MECOM: variants seen among roughly 807,000 people sequenced by gnomAD.
MECOM encodes the protein histone-lysine N-methyltransferase MECOM.
In MECOM, 13 loss-of-function variants were observed where a neutral mutation model predicts 116.3. The ratio of observed to expected loss-of-function variants is 0.11; its 90% confidence interval spans 0.07 to 0.18. MECOM has a LOEUF of 0.18. MECOM is among the 10% of genes least tolerant of loss of function. MECOM has a pLI of 1.00. For synonymous variants in MECOM, 528 were observed against 535.2 expected, an observed-to-expected ratio of 0.99 and a Z score of 0.19; for missense variants, 1,299 against 1,509.0, an observed-to-expected ratio of 0.86 and a Z score of 2.31.
At chr3:169,169,117 C>T (rs1263509054) in intron 2 of MECOM, among the ~76,000 whole-genome samples, 1 of 152,092 alleles carries the variant, frequency 6.6e-6, no homozygotes. Context: ...TCCATAAACA[C>T]ATACTAAATT....
rs868256088 is a variant in MECOM at position 169,378,520 on chromosome 3, A to G, written c.375+2667T>C. Among the ~76,000 whole-genome samples the G allele has an allele frequency of 9.6e-3, 218 of 22,824 alleles. 31 individuals are homozygous for G. Among genetic ancestry groups the G allele is most frequent in the African/African-American group, 0.017 (94 of 5,588 alleles). The allele number at this position is 22,824 out of a possible 152,430, so 15.0% of individuals were successfully genotyped here. A position where few individuals can be genotyped will look rare whatever the true frequency, so the allele number is the denominator to read the frequency against. On this transcript the variant is annotated intron_variant, in intron 2 of 16. Transcript: ENST00000651503. ...AAGAAAGAAAGAAAGAAAGAAAAGA[A>G]AGAAAGAAAGAAAGAAAGAAAGAAA...
intron 12 of MECOM, among the ~76,000 whole-genome samples, chr3:169,098,393 C>A (rs1388781260): frequency 2.6e-5 from 4 of 152,036 alleles, no homozygotes; most frequent in African/African-American, 9.7e-5. Flanking sequence ...TAGAATTTTC[C>A]TTAATTTGGG....
At chr3:169,167,771 TCA>T (rs774170480) in intron 2 of MECOM, among the ~76,000 whole-genome samples, 2 of 150,996 alleles carry the variant, frequency 1.3e-5, no homozygotes, top group African/African-American at 4.9e-5. Context: ...ACACAGACAC[TCA>T]CACACACACA....
chr3:169,621,905 A>G (rs1284523029), intron 1 of MECOM, among the ~76,000 whole-genome samples: 3 of 152,200 alleles, frequency 2.0e-5, no homozygotes, highest in Admixed American at 6.5e-5. Flanking sequence ...CATCATTGAC[A>G]GGAGAGGTAA....
chr3:169,358,161 T>C (rs1002372926), intron 2 of MECOM, among the ~76,000 whole-genome samples: 2 of 151,780 alleles, frequency 1.3e-5, no homozygotes, highest in African/African-American at 4.8e-5. Flanking sequence ...TTTCTTCTTT[T>C]GGCATATTGT....
intron 13 of MECOM, among the ~76,000 whole-genome samples, chr3:169,094,027 A>G (rs1056734413): frequency 6.6e-6 from 1 of 152,194 alleles, no homozygotes; most frequent in Non-Finnish European, 1.5e-5. Flanking sequence ...CTATAAGGGT[A>G]CACACAGTTA....
chr3:169,267,489 C>T (rs116481529), intron 2 of MECOM, among the ~76,000 whole-genome samples: 1 of 152,138 alleles, frequency 6.6e-6, no homozygotes, highest in South Asian at 2.1e-4. Flanking sequence ...CAGGAAAGAG[C>T]TGCCCTTACT....
intron 2 of MECOM, among the ~76,000 whole-genome samples, chr3:169,305,242 T>A (rs1472340158): frequency 2.0e-5 from 3 of 152,196 alleles, no homozygotes; most frequent in Admixed American, 2.0e-4. Flanking sequence ...TCAGTGAAGT[T>A]AATTAATTCC....
intron 1 of MECOM, among the ~76,000 whole-genome samples, chr3:169,542,429 G>T (rs1005544801): frequency 6.6e-6 from 1 of 152,106 alleles, no homozygotes; most frequent in Non-Finnish European, 1.5e-5. Context: ...ATGCCCTGGG[G>T]ATTTAGTTGG....
chr3:169,085,191 G>A lies in MECOM; in HGVS notation c.3586-148C>T, dbSNP rs6793750. 6.5e-3 allele frequency: 6,751 copies of A among 1,034,006 alleles called. 324 individuals are homozygous for A. The African/African-American group carries it at 0.099, about 15-fold the overall frequency. The allele number at this position is 1,034,006 out of a possible 1,614,324, so 64.1% of individuals were successfully genotyped here. ...GTTTGGCAAAGAAGGCATATTTTTT[G>A]TAGAAACCACATGGGATTACTGCTG... On this transcript the variant is annotated intron_variant, in intron 16 of 16. Coordinates refer to ENST00000651503, the MANE Select transcript of MECOM (RefSeq NM_004991.4).
chr3:169,092,152 TA>T (rs1227436323), intron 14 of MECOM, among the ~76,000 whole-genome samples: 1 of 152,066 alleles, frequency 6.6e-6, no homozygotes, highest in African/African-American at 2.4e-5. Flanking sequence ...TTAACAGCAT[TA>T]AAAGCTTTTT....
chr3:169,364,142 A>G (rs941376500), intron 2 of MECOM, among the ~76,000 whole-genome samples: 3 of 151,988 alleles, frequency 2.0e-5, no homozygotes, highest in African/African-American at 2.4e-5. Context: ...GAAATGTTCT[A>G]AGGTTCCTGC....
intron 2 of MECOM, chr3:169,147,180 A>G (rs1740161564): frequency 2.0e-6 from 2 of 985,416 alleles, no homozygotes; most frequent in Non-Finnish European, 2.4e-6. Flanking sequence ...AAACCCACTA[A>G]AACTTCTACT....
intron 11 of MECOM, among the ~76,000 whole-genome samples, 178 bp from the exon 12 acceptor site, chr3:169,101,140 C>A (rs1212263749): frequency 7.5e-6 from 1 of 133,834 alleles, no homozygotes; most frequent in Non-Finnish European, 1.7e-5. Context: ...AATAACTCTA[C>A]AAATAAAGAC....
At chr3:169,352,049 T>G (rs1726422541) in intron 2 of MECOM, among the ~76,000 whole-genome samples, 1 of 151,942 alleles carries the variant, frequency 6.6e-6, no homozygotes, top group South Asian at 2.1e-4. Flanking sequence ...AGAAATTGTT[T>G]TGTGGAGGCC....
At chr3:169,527,810 TGA>T (rs1758134430) in intron 1 of MECOM, among the ~76,000 whole-genome samples, 1 of 152,148 alleles carries the variant, frequency 6.6e-6, no homozygotes, top group Non-Finnish European at 1.5e-5. Context: ...AAAAGATATG[TGA>T]GAGAGAGAAA....
intron 1 of MECOM, among the ~76,000 whole-genome samples, chr3:169,384,460 T>C (rs879354015): frequency 5.9e-5 from 9 of 152,178 alleles, no homozygotes; most frequent in Admixed American, 1.3e-4. Context: ...GATTTTGCAA[T>C]TCAACCTAAC....
intron 1 of MECOM, among the ~76,000 whole-genome samples, chr3:169,564,859 C>G (rs761358523): frequency 9.2e-5 from 14 of 152,202 alleles, no homozygotes; most frequent in Non-Finnish European, 1.3e-4. Flanking sequence ...ACTCACAGAG[C>G]CTTCCCCAAT....
chr3:169,202,880 C>T (rs1222573841), intron 2 of MECOM, among the ~76,000 whole-genome samples: 6 of 144,910 alleles, frequency 4.1e-5, no homozygotes, highest in Admixed American at 6.9e-5. Flanking sequence ...GAATCAAAAT[C>T]AGCTCCACCA....
Sources: allele counts gnomAD v4.1 joint callset (sites outside exome capture counted in the v4.1 genomes callset), GRCh38; gene constraint gnomAD v4.1.1; transcripts MANE v1.5; gene names NCBI Gene and HGNC (gene_info 2026-07-23, HGNC 2026-07-21).